Variants in SHROOM4 observed in about 807,000 individuals in gnomAD.
SHROOM4 encodes protein Shroom4.
A neutral mutation model predicts 80.3 loss-of-function variants in SHROOM4; 17 were observed. The ratio of observed to expected loss-of-function variants is 0.21; its 90% CI spans 0.14 to 0.32. SHROOM4 has a LOEUF of 0.32. Ranked by LOEUF, SHROOM4 falls within the 10% of genes least tolerant of loss-of-function variation. The probability of loss-of-function intolerance (pLI) is 1.00; values close to 1 mark genes in which losing one functional copy is unlikely to be tolerated. For missense variants in SHROOM4, 993 were observed against 1,140.3 expected, an observed-to-expected ratio of 0.87 and a Z score of 1.86; for synonymous variants, 400 against 437.5, an observed-to-expected ratio of 0.91 and a Z score of 1.07.
chrX:50,617,758 G>A (rs930737048), intron 5 of SHROOM4, among the ~76,000 whole-genome samples: 41 of 109,744 alleles, frequency 3.7e-4, no homozygotes, highest in African/African-American at 1.3e-3. Flanking sequence ...AGGCAACTTG[G>A]GAATTGCTAT....
At chrX:50,600,401 G>C (rs1256459184) in intron 7 of SHROOM4, among the ~76,000 whole-genome samples, 2 of 111,336 alleles carry the variant, frequency 1.8e-5, no homozygotes, top group African/African-American at 3.3e-5. Flanking sequence ...CTGCTGGAAA[G>C]TAGTGGTATT....
chrX:50,654,956 G>C (rs991971032), intron 2 of SHROOM4, among the ~76,000 whole-genome samples: 14 of 101,909 alleles, frequency 1.4e-4, no homozygotes, highest in African/African-American at 5.1e-4. Flanking sequence ...CCCCTATCTA[G>C]TAGGTCCCAG....
chrX:50,629,289 G>A (rs1333864030), intron 4 of SHROOM4, among the ~76,000 whole-genome samples: 3 of 111,530 alleles, frequency 2.7e-5, no homozygotes, highest in African/African-American at 9.8e-5. Context: ...GAGGGCATCC[G>A]GCCACACTAG....
At chrX:50,711,961 C>T (rs1933828379) in intron 1 of SHROOM4, among the ~76,000 whole-genome samples, 1 of 112,258 alleles carries the variant, frequency 8.9e-6, no homozygotes, top group Non-Finnish European at 1.9e-5. Flanking sequence ...TTGGGCAAGT[C>T]ACTTCACCTC....
chrX:50,758,774 T>C (rs1413433160), intron 1 of SHROOM4, among the ~76,000 whole-genome samples: 2 of 111,922 alleles, frequency 1.8e-5, no homozygotes, highest in African/African-American at 3.2e-5. Context: ...TAGAATTTAT[T>C]AGTAAAACTC....
chrX:50,804,438 A>T (rs1475114934), intron 1 of SHROOM4, among the ~76,000 whole-genome samples: 1 of 112,062 alleles, frequency 8.9e-6, no homozygotes, highest in African/African-American at 3.2e-5. Context: ...TTTCTGCATC[A>T]AATTTCATTT....
intron 7 of SHROOM4, among the ~76,000 whole-genome samples, chrX:50,600,415 T>C (rs1267311128): frequency 1.8e-5 from 2 of 111,448 alleles, no homozygotes; most frequent in Admixed American, 1.9e-4. Context: ...TGGTATTATA[T>C]ACGACCTTGA....
rs782777141 is a variant in SHROOM4, at chrX:50,637,091, T to C, written c.404+1083A>G. 1.1e-3 allele frequency among the ~76,000 whole-genome samples: 120 copies of C among 111,601 alleles called. 1 individual carries two copies. The highest frequency in any genetic ancestry group is 7.3e-4 in the Non-Finnish European group (39 of 53,135). On this transcript the variant is annotated intron_variant, in intron 3 of 8. Coordinates refer to ENST00000376020, the MANE Select transcript of SHROOM4 (RefSeq NM_020717.5). ...CCAACTCCCACAGCAAAGCCAAACCTGGAAGACCAAGGGAAGGGCTAGGAT... is the reference window on the plus strand; with the variant it reads ...CCAACTCCCACAGCAAAGCCAAACCCGGAAGACCAAGGGAAGGGCTAGGAT...
At chrX:50,801,214 G>A (rs1449465473) in intron 1 of SHROOM4, among the ~76,000 whole-genome samples, 5 of 104,446 alleles carry the variant, frequency 4.8e-5, no homozygotes, top group Admixed American at 1.0e-4. Context: ...GGGAAAGGAG[G>A]GAAGGGGAGA....
chrX:50,656,063 A>G (rs1286518711), intron 2 of SHROOM4, among the ~76,000 whole-genome samples: 2 of 111,678 alleles, frequency 1.8e-5, no homozygotes, highest in Non-Finnish European at 3.8e-5. Context: ...TCTTCTTTTG[A>G]GAAATGTCTC....
chrX:50,581,199 C>A, the SHROOM4 span, among the ~76,000 whole-genome samples: 1 of 112,233 alleles, frequency 8.9e-6, no homozygotes, highest in Non-Finnish European at 1.9e-5. Flanking sequence ...TGTGATAGTA[C>A]TTGGGAATTT....
At chrX:50,800,015 A>G (rs1277406939) in intron 1 of SHROOM4, among the ~76,000 whole-genome samples, 1 of 111,834 alleles carries the variant, frequency 8.9e-6, no homozygotes, top group Admixed American at 9.5e-5. Context: ...CAGGTAGCCA[A>G]CCCCATCCTC....
intron 1 of SHROOM4, among the ~76,000 whole-genome samples, chrX:50,747,479 C>T (rs1348693506): frequency 1.8e-5 from 2 of 111,967 alleles, no homozygotes; most frequent in Non-Finnish European, 3.8e-5. Flanking sequence ...TTCCAAGCAT[C>T]TGTGTTTAGC....
intron 1 of SHROOM4, among the ~76,000 whole-genome samples, chrX:50,751,922 A>G (rs1366988589): frequency 7.2e-5 from 8 of 111,851 alleles, no homozygotes; most frequent in East Asian, 2.8e-4. Context: ...TAAAGTGGGT[A>G]AGATGCTATC....
At chrX:50,651,927 G>T (rs1173358188) in intron 2 of SHROOM4, among the ~76,000 whole-genome samples, 1 of 111,408 alleles carries the variant, frequency 9.0e-6, no homozygotes, top group African/African-American at 3.3e-5. Context: ...CATTTTTATG[G>T]CTGCATAGTA....
At position 50,691,240 on chromosome X, in the gene SHROOM4, C is replaced by CA. The variant is rs782134715; in HGVS notation, c.269+4545dup. Among the ~76,000 whole-genome samples, 996 of 101,145 alleles carry CA rather than the reference C, an allele frequency of 9.8e-3. 10 individuals carry two copies. The highest frequency in any genetic ancestry group is 0.024 in the African/African-American group (660 of 27,918). The allele number at this position is 101,145 out of a possible 115,157, so 87.8% of individuals were successfully genotyped here. ...ATATATTTGGATGCCATGTTTTTTGCAAAAAAAAAATGGTTCATAAATATA... is the reference window on the plus strand; with the variant it reads ...ATATATTTGGATGCCATGTTTTTTGCAAAAAAAAAAATGGTTCATAAATATA... On this transcript the variant is annotated intron_variant, in intron 2 of 8. Coordinates refer to ENST00000376020, the MANE Select transcript of SHROOM4 (RefSeq NM_020717.5).
At chrX:50,607,162 G>C (rs1209702326) in intron 6 of SHROOM4, among the ~76,000 whole-genome samples, 1 of 111,713 alleles carries the variant, frequency 9.0e-6, no homozygotes, top group African/African-American at 3.3e-5. Context: ...TGTACTATGT[G>C]CTAAGCATGG....
intron 1 of SHROOM4, among the ~76,000 whole-genome samples, chrX:50,800,238 G>A (rs1212699014): frequency 3.6e-5 from 4 of 112,213 alleles, no homozygotes; most frequent in African/African-American, 1.3e-4. Flanking sequence ...GCTTGGAAGT[G>A]GAAAGGGGAA....
intron 2 of SHROOM4, among the ~76,000 whole-genome samples, chrX:50,650,149 C>G (rs1301267363): frequency 1.8e-5 from 2 of 112,131 alleles, no homozygotes; most frequent in Non-Finnish European, 3.8e-5. Flanking sequence ...GAACATATTA[C>G]AAGTTCAATT....
Sources: allele counts gnomAD v4.1 joint callset (sites outside exome capture counted in the v4.1 genomes callset), GRCh38; gene constraint gnomAD v4.1.1; transcripts MANE v1.5; gene names NCBI Gene and HGNC (gene_info 2026-07-23, HGNC 2026-07-21).